FEZ2: variants seen among roughly 807,000 people sequenced by gnomAD.
FEZ2 encodes fasciculation and elongation protein zeta 2.
A neutral mutation model predicts 40.4 loss-of-function variants in FEZ2; 51 were observed. That is an observed-to-expected ratio of 1.26 (90% CI 1.01 to 1.59). FEZ2 has a LOEUF of 1.59. Ranked by LOEUF, FEZ2 falls within the 40% of genes most tolerant of loss-of-function variation. FEZ2 has a pLI of 0.00. For synonymous variants in FEZ2, 242 were observed against 172.0 expected (o/e 1.41, Z -3.18); for missense variants, 640 against 438.3 (o/e 1.46, Z -4.11).
chr2:36,595,229 G>A (rs529312334), intron 1 of FEZ2, among the ~76,000 whole-genome samples: 65 of 152,028 alleles, frequency 4.3e-4, no homozygotes, highest in African/African-American at 1.5e-3. Context: ...TTACATTTAC[G>A]GTGTACTTTA....
At chr2:36,557,785 C>CA (rs1003575925) in intron 6 of FEZ2, 2 of 152,006 alleles carry the variant, frequency 1.3e-5, no homozygotes, top group Admixed American at 1.3e-4. Flanking sequence ...AACCAGAATT[C>CA]AAGGCTCATT....
At chr2:36,561,572 G>A (rs185339057) in intron 5 of FEZ2, 55 of 152,266 alleles carry the variant, frequency 3.6e-4, no homozygotes, top group African/African-American at 1.2e-3. Flanking sequence ...GTACTGAAAA[G>A]GGAGTATTTT....
chr2:36,569,207 A>G (rs1668338169), intron 5 of FEZ2, among the ~76,000 whole-genome samples: 1 of 152,254 alleles, frequency 6.6e-6, no homozygotes, highest in African/African-American at 2.4e-5. Context: ...CAAAGTGCTC[A>G]GCAAATATCA....
intron 1 of FEZ2, 96 bp downstream of exon 1, chr2:36,597,781 A>AGGAGGGCGCAG: frequency 2.1e-6 from 2 of 937,068 alleles, no homozygotes; most frequent in Non-Finnish European, 1.4e-6. Context: ...TCCGGGCGGA[A>AGGAGGGCGCAG]GGAGGGCGCA....
At position 36,597,883 on chromosome 2, in the gene FEZ2, C is replaced by T. The variant is rs1057376645; in HGVS notation, c.260G>A (p.Gly87Glu). The change falls in exon 1 of 8, where the codon GGG becomes GAG. Residue 87 changes from glycine (G) to glutamate (E), a missense_variant. Gly to Glu is a moderately conservative substitution (Grantham distance 98, BLOSUM62 -2). Coordinates refer to ENST00000405912, the MANE Select transcript of FEZ2 (RefSeq NM_005102.3). ...GCCGGGGCCCCGCACTCACTCGTCC[C>T]CCTGCAGGAGGCTGCGCTCCGTGAT... ...RPITERSLLQ[G>E]DEIWNALTDN... 1 of 1,373,800 alleles carries T rather than the reference C, an allele frequency of 7.3e-7. No homozygotes were observed. 85.1% of individuals were successfully genotyped at this position (1,373,800 alleles called of 1,614,324 possible).
intron 5 of FEZ2, among the ~76,000 whole-genome samples, chr2:36,571,498 T>TA (rs1260567546): frequency 2.0e-5 from 3 of 151,028 alleles, no homozygotes; most frequent in South Asian, 2.1e-4. Flanking sequence ...CCATCTCTAC[T>TA]AAAAAAAATT....
At chr2:36,582,261 G>A (rs1390772111) in intron 3 of FEZ2, among the ~76,000 whole-genome samples, 1 of 151,864 alleles carries the variant, frequency 6.6e-6, no homozygotes, top group Non-Finnish European at 1.5e-5. Context: ...AAATGAAGGA[G>A]TAAGACATCA....
intron 5 of FEZ2, among the ~76,000 whole-genome samples, chr2:36,575,312 G>T (rs1348286563): frequency 1.3e-5 from 2 of 151,784 alleles, no homozygotes; most frequent in Non-Finnish European, 2.9e-5. Context: ...AGACTCCCAA[G>T]TAGTTGGGAC....
intron 5 of FEZ2, among the ~76,000 whole-genome samples, chr2:36,576,420 C>A (rs967717621): frequency 2.0e-5 from 3 of 152,238 alleles, no homozygotes; most frequent in Admixed American, 1.3e-4. Context: ...CAGGCATGCG[C>A]CACCACGCCC....
chr2:36,596,768 T>C (rs1369176011), intron 1 of FEZ2, among the ~76,000 whole-genome samples: 4 of 152,162 alleles, frequency 2.6e-5, no homozygotes, highest in Admixed American at 1.3e-4. Context: ...GCGCCCAATC[T>C]TATTCCACTC....
In FEZ2 at chr2:36,583,404, G is replaced by A. The variant is rs780080330; in HGVS notation, c.441C>T (p.His147=). ...DEELREQLDM[H]SIIVSCVNDE... ...CATTAACACAGGAGACGATGATTGA[G>A]TGCATATCCAGCTGTTCTCTCAGCT... is the stretch of plus-strand genomic sequence containing the variant. The change falls in exon 3 of 8, where the codon CAC becomes CAT. Residue 147 remains histidine (H), a synonymous_variant. Transcript: ENST00000405912. 2.5e-6 allele frequency: 4 copies of A among 1,609,416 alleles called. No individual in the cohort carries two copies. Among genetic ancestry groups the A allele is most frequent in the Non-Finnish European group, 2.6e-6 (3 of 1,175,754 alleles).
At position 36,591,204 on chromosome 2, in the gene FEZ2, C is replaced by T. The variant is rs531550591; in HGVS notation, c.267-193G>A. On this transcript the variant is annotated intron_variant, in intron 1 of 7. Transcript: ENST00000405912. The stretch of plus-strand genomic sequence containing the variant: ...CGAGGTGAAAAATCACATAACTGGG[C>T]TGACAAGAAGTCCTAAGGGAAGGTG... The T allele has an allele frequency of 2.5e-4, 148 of 581,852 alleles. 5 individuals are homozygous for T. The South Asian group carries it at 3.0e-3, about 12-fold the overall frequency. 36.0% of individuals were successfully genotyped at this position (581,852 alleles called of 1,614,324 possible). A position where few individuals can be genotyped will look rare whatever the true frequency, so the allele number is the denominator to read the frequency against.
intron 5 of FEZ2, among the ~76,000 whole-genome samples, chr2:36,570,266 C>A (rs931777375): frequency 6.6e-6 from 1 of 151,656 alleles, no homozygotes; most frequent in Non-Finnish European, 1.5e-5. Context: ...ATACATTATA[C>A]CAAAGCAGAT....
In FEZ2 at chr2:36,581,360, T is replaced by A. The variant is rs547540281; in HGVS notation, c.564A>T (p.Ser188=). The A allele has an allele frequency of 5.0e-6, 8 of 1,613,410 alleles. No individual in the cohort carries two copies. The highest frequency in any genetic ancestry group is 6.8e-6 in the Non-Finnish European group (8 of 1,179,442). The change falls in exon 4 of 8, where the codon TCA becomes TCT. Residue 188 remains serine (S), a synonymous_variant. Transcript: ENST00000405912. ...CCTGGGAAAGCATTGAAAGCCGATC[T>A]GACTGTGTAGGGGTTTCATCATCTT... ...DPEDDETPTQ[S]DRLSMLSQEI...
At chr2:36,597,715 G>A (rs1669269449) in intron 1 of FEZ2, among the ~76,000 whole-genome samples, 162 bp downstream of exon 1, 2 of 152,218 alleles carry the variant, frequency 1.3e-5, no homozygotes, top group Non-Finnish European at 2.9e-5. Flanking sequence ...TTAAATTGCT[G>A]GGCGAGCCGA....
intron 2 of FEZ2, among the ~76,000 whole-genome samples, chr2:36,585,469 T>A (rs1266745793): frequency 6.6e-6 from 1 of 152,140 alleles, no homozygotes; most frequent in East Asian, 1.9e-4. Context: ...CAGATTAGAA[T>A]TTTTATTGCA....
intron 6 of FEZ2, chr2:36,556,665 A>G (rs1239287671): frequency 6.6e-6 from 1 of 152,276 alleles, no homozygotes; most frequent in Non-Finnish European, 1.5e-5. Flanking sequence ...TGAAATGAGA[A>G]TAATAATTAG....
At chr2:36,569,204 C>T (rs1400794689) in intron 5 of FEZ2, among the ~76,000 whole-genome samples, 1 of 152,176 alleles carries the variant, frequency 6.6e-6, no homozygotes, top group Admixed American at 6.5e-5. Flanking sequence ...TAGCAAAGTG[C>T]TCAGCAAATA....
chr2:36,585,661 A>G (rs1156843502), intron 2 of FEZ2, among the ~76,000 whole-genome samples: 3 of 152,266 alleles, frequency 2.0e-5, no homozygotes, highest in Non-Finnish European at 4.4e-5. Flanking sequence ...AAACCTAAGT[A>G]GAAAAAGAGA....
Sources: gnomAD v4.1 joint callset for allele counts (sites outside exome capture counted in the v4.1 genomes callset) on GRCh38, gnomAD v4.1.1 for gene constraint, MANE v1.5 for transcripts, NCBI Gene and HGNC (gene_info 2026-07-23, HGNC 2026-07-21) for gene names.